Variants in DTNA observed in about 807,000 individuals in gnomAD.
DTNA encodes dystrophin-related protein 3.
Under a neutral mutation model 100.7 loss-of-function variants are expected in DTNA, and 43 were observed. The observed-to-expected ratio is 0.43, with a 90% CI of 0.33 to 0.55. DTNA has a LOEUF of 0.55. Among genes scored for constraint, DTNA ranks in the 20% least tolerant of loss-of-function variants. The probability of loss-of-function intolerance (pLI) is 0.04; values close to 1 mark genes in which losing one functional copy is unlikely to be tolerated. For synonymous variants in DTNA, 349 were observed against 347.9 expected (o/e 1.00, Z -0.04); for missense variants, 798 against 953.9 (o/e 0.84, Z 2.15).
At chr18:34,750,729 C>T (rs2092236100) in intron 1 of DTNA, among the ~76,000 whole-genome samples, 1 of 152,084 alleles carries the variant, frequency 6.6e-6, no homozygotes, top group South Asian at 2.1e-4. Context: ...ATTTTATAAT[C>T]TTTAAGAAGT....
intron 1 of DTNA, among the ~76,000 whole-genome samples, chr18:34,673,208 C>T (rs528186874): frequency 6.6e-6 from 1 of 152,224 alleles, no homozygotes; most frequent in Non-Finnish European, 1.5e-5. Context: ...ACCTCAGCCT[C>T]CCAAGCAGCA....
At chr18:34,569,110 T>A (rs2047343162) in intron 1 of DTNA, among the ~76,000 whole-genome samples, 1 of 152,192 alleles carries the variant, frequency 6.6e-6, no homozygotes, top group South Asian at 2.1e-4. Context: ...TGAAATGGCC[T>A]GGCTGGATCT....
chr18:34,667,236 A>G (rs1222402266), intron 1 of DTNA, among the ~76,000 whole-genome samples: 8 of 151,922 alleles, frequency 5.3e-5, no homozygotes, highest in African/African-American at 1.2e-4. Flanking sequence ...TCTGTTATTG[A>G]TGTATAAGAA....
At chr18:34,585,676 C>T (rs1224587881) in intron 1 of DTNA, among the ~76,000 whole-genome samples, 2 of 152,022 alleles carry the variant, frequency 1.3e-5, no homozygotes, top group Admixed American at 1.3e-4. Flanking sequence ...TACATAGAAT[C>T]CTTATCTCCC....
chr18:34,609,251 T>TC (rs893190240), intron 1 of DTNA, among the ~76,000 whole-genome samples: 51 of 150,516 alleles, frequency 3.4e-4, no homozygotes, highest in African/African-American at 1.2e-3. Flanking sequence ...AATTCTTTTT[T>TC]TTTTTTTTTT....
Position 34,670,735 on chromosome 18 carries a change from C to T in DTNA, c.-1-85241C>T, listed in dbSNP as rs116325707. On this transcript the variant is annotated intron_variant, in intron 1 of 19. Coordinates refer to the DTNA transcript ENST00000283365. ...ATCAGCATTGGAGGCTGCAGAACAG[C>T]GGATATTGCTGAATAGCAGATGTTG... 6.4e-3 allele frequency among the ~76,000 whole-genome samples: 970 copies of T among 152,254 alleles called. 10 individuals carry two copies. The highest frequency in any genetic ancestry group is 0.022 in the African/African-American group (921 of 41,540).
Position 34,623,546 on chromosome 18 carries a change from G to A in DTNA, c.-2+130032G>A, listed in dbSNP as rs192254265. 2.6e-5 allele frequency among the ~76,000 whole-genome samples: 4 copies of A among 152,284 alleles called. No homozygotes were observed. In the East Asian group the frequency reaches 7.7e-4, roughly 29 times the overall value. ...GCTCAAGGGCATTTTTATATTCAGA[G>A]AACATTCTAGGCTAGAATCAGTAAC... On this transcript the variant is annotated intron_variant, in intron 1 of 19. Coordinates refer to the DTNA transcript ENST00000283365.
intron 3 of DTNA, among the ~76,000 whole-genome samples, chr18:34,790,549 C>CTATATATATATATATATATATA (rs67141918): frequency 6.2e-5 from 6 of 96,198 alleles, no homozygotes; most frequent in African/African-American, 2.3e-4. Context: ...AAGCAGCATA[C>CTATATATATATATATATATATA]TATATATATA....
intron 1 of DTNA, among the ~76,000 whole-genome samples, chr18:34,753,357 A>ATTTTTTTTTT (rs869151386): frequency 1.5e-3 from 3 of 2,018 alleles, no homozygotes; most frequent in African/African-American, 2.0e-3. Context: ...TTATTTATTT[A>ATTTTTTTTTT]TTTATTTTAT....
At chr18:34,828,863 T>C (rs1221144404) in intron 10 of DTNA, among the ~76,000 whole-genome samples, 1 of 152,194 alleles carries the variant, frequency 6.6e-6, no homozygotes, top group Non-Finnish European at 1.5e-5. Context: ...CATTTTTTTT[T>C]TCTGGAATGA....
chr18:34,514,502 G>T (rs1027106194), intron 1 of DTNA, among the ~76,000 whole-genome samples: 2 of 152,102 alleles, frequency 1.3e-5, no homozygotes, highest in Admixed American at 1.3e-4. Context: ...ATTAAAAAGT[G>T]AATCATTTAA....
At chr18:34,732,512 A>C (rs1324365988) in intron 1 of DTNA, among the ~76,000 whole-genome samples, 1 of 152,192 alleles carries the variant, frequency 6.6e-6, no homozygotes, top group South Asian at 2.1e-4. Context: ...AAAGGATGCA[A>C]CCTGGACTGA....
At chr18:34,777,820 C>T (rs1015260560) in intron 3 of DTNA, among the ~76,000 whole-genome samples, 1 of 152,178 alleles carries the variant, frequency 6.6e-6, no homozygotes, top group Non-Finnish European at 1.5e-5. Flanking sequence ...TTACAGATCC[C>T]TCTCTCCACA....
rs2051109504 is a variant in DTNA, at chr18:34,598,540, G to A, written c.-2+105026G>A. 2.0e-5 allele frequency among the ~76,000 whole-genome samples: 3 copies of A among 152,140 alleles called. No individual in the cohort carries two copies. The South Asian group carries it at 6.2e-4, about 31-fold the overall frequency. Reference sequence around the variant, plus strand: ...TTGAGTGTTTATGTAATACAATATTGTGAAAGCTTGTGGAAAACTTTTCTT... The same window carrying A: ...TTGAGTGTTTATGTAATACAATATTATGAAAGCTTGTGGAAAACTTTTCTT... On this transcript the variant is annotated intron_variant, in intron 1 of 19. Transcript: ENST00000283365.
intron 3 of DTNA, among the ~76,000 whole-genome samples, chr18:34,773,666 G>C (rs1481983449): frequency 6.6e-6 from 1 of 152,206 alleles, no homozygotes; most frequent in Non-Finnish European, 1.5e-5. Flanking sequence ...TGGGAAAGTT[G>C]GTGGTGGCAG....
chr18:34,811,871 T>A, intron 5 of DTNA, 88 bp from the exon 6 acceptor site: 2 of 1,492,126 alleles, frequency 1.3e-6, no homozygotes, highest in South Asian at 1.2e-5. Context: ...ATTTTGCTAC[T>A]TTTTTGTCAT....
At chr18:34,866,732 A>T (rs1169693609) in intron 17 of DTNA, 1 of 989,624 alleles carries the variant, frequency 1.0e-6, no homozygotes, top group Non-Finnish European at 1.2e-6. Context: ...ATAACTGACT[A>T]TTCACGTCCC....
intron 19 of DTNA, among the ~76,000 whole-genome samples, chr18:34,878,164 A>G (rs1019037663): frequency 6.6e-6 from 1 of 151,918 alleles, no homozygotes; most frequent in Non-Finnish European, 1.5e-5. Flanking sequence ...TTTCATAGAG[A>G]CAGAGTCTTT....
chr18:34,866,483 A>G, intron 17 of DTNA: 1 of 1,202,120 alleles, frequency 8.3e-7, no homozygotes, highest in Non-Finnish European at 1.0e-6. Context: ...GAGAGATACC[A>G]CAGTCACTAG....
Sources: gnomAD v4.1 joint callset for allele counts (sites outside exome capture counted in the v4.1 genomes callset) on GRCh38, gnomAD v4.1.1 for gene constraint, MANE v1.5 for transcripts, NCBI Gene and HGNC (gene_info 2026-07-23, HGNC 2026-07-21) for gene names.